The following RARG variants were observed in gnomAD, a reference collection of about 807,000 sequenced individuals.
RARG encodes the protein retinoic acid receptor gamma.
A neutral mutation model predicts 43.7 loss-of-function variants in RARG; 17 were observed. That is an observed-to-expected ratio of 0.39 (90% CI 0.27 to 0.58). The LOEUF (loss-of-function observed/expected upper bound fraction) is 0.58, where lower values mean the gene tolerates loss of function less well. Among genes scored for constraint, RARG ranks in the 20% least tolerant of loss-of-function variants. The pLI, the probability that RARG is intolerant of heterozygous loss-of-function variation, is 0.57. For missense variants in RARG, 346 were observed against 598.7 expected, an observed-to-expected ratio of 0.58 and a Z score of 4.40; for synonymous variants, 238 against 236.4, an observed-to-expected ratio of 1.01 and a Z score of -0.06.
chr12:53,230,846 T>C (rs1376339832), intron 2 of RARG, among the ~76,000 whole-genome samples: 1 of 142,406 alleles, frequency 7.0e-6, no homozygotes, highest in Non-Finnish European at 1.5e-5. Context: ...CGTGTGTGTG[T>C]GTGTGTGTGT....
chr12:53,216,742 C>T (rs1942770536), intron 3 of RARG, among the ~76,000 whole-genome samples: 1 of 151,852 alleles, frequency 6.6e-6, no homozygotes, highest in South Asian at 2.1e-4. Context: ...CTGAAAATAC[C>T]CAATTGCAGC....
intron 3 of RARG, among the ~76,000 whole-genome samples, chr12:53,217,557 T>G (rs1221218714): frequency 6.6e-6 from 1 of 152,164 alleles, no homozygotes; most frequent in Non-Finnish European, 1.5e-5. Context: ...ACTTTTCCTG[T>G]CTAAGTGATA....
Position 53,211,911 on chromosome 12 carries a change from G to A in RARG, c.1178-48C>T, listed in dbSNP as rs1942600153. On this transcript the variant is annotated intron_variant, in intron 9 of 9. Coordinates refer to ENST00000425354, the MANE Select transcript of RARG (RefSeq NM_000966.6). This position sits in a 1 kb window ranked among gnomAD's most constrained non-coding sequence, Gnocchi z 4.6. ...GAGGCTCAGGAGGACAGAGGCACATGGCCCTTAAGGCCATCTCCCTAACCT... is the reference window on the plus strand; with the variant it reads ...GAGGCTCAGGAGGACAGAGGCACATAGCCCTTAAGGCCATCTCCCTAACCT... 1.5e-6 allele frequency: 2 copies of A among 1,328,956 alleles called. No individual in the cohort carries two copies. The highest frequency in any genetic ancestry group is 2.0e-6 in the Non-Finnish European group (2 of 1,007,908). The allele number at this position is 1,328,956 out of a possible 1,614,324, so 82.3% of individuals were successfully genotyped here.
intron 3 of RARG, among the ~76,000 whole-genome samples, chr12:53,217,176 A>C (rs1942798261): frequency 6.6e-6 from 1 of 152,124 alleles, no homozygotes; most frequent in Non-Finnish European, 1.5e-5. Context: ...TAGCATAAGA[A>C]TCCTGCCAGA....
chr12:53,213,359 T>G lies in RARG; in HGVS notation c.1019-116A>C, dbSNP rs552797238. The G allele has an allele frequency of 3.4e-6, 5 of 1,482,298 alleles. No individual in the cohort carries two copies. Among genetic ancestry groups the G allele is most frequent in the Middle Eastern group, 1.7e-4 (1 of 5,760 alleles). The allele number at this position is 1,482,298 out of a possible 1,614,324, so 91.8% of individuals were successfully genotyped here. A position where few individuals can be genotyped will look rare whatever the true frequency, so the allele number is the denominator to read the frequency against. On this transcript the variant is annotated intron_variant, in intron 8 of 9. Transcript: ENST00000425354. This position sits in a 1 kb window ranked among gnomAD's most constrained non-coding sequence, Gnocchi z 4.7. The stretch of plus-strand genomic sequence containing the variant: ...AAGCCTGTACAGGGTTTCAGAACTC[T>G]CTGGATGGGGCCAGGTGCAAGAATT...
chr12:53,227,587 G>C lies in RARG; in HGVS notation c.-42C>G. On this transcript the variant is annotated 5_prime_UTR_variant, in exon 3 of 10. Coordinates refer to ENST00000425354, the MANE Select transcript of RARG (RefSeq NM_000966.6). This position sits in a 1 kb window ranked among gnomAD's most constrained non-coding sequence, Gnocchi z 4.3. ...GAGTCCCCTGGGGTCTGCAGTGGGC[G>C]GGCGAGGTCTTCAGCCACAGCCCCT... The C allele has an allele frequency of 2.1e-6, 3 of 1,447,956 alleles. No homozygotes were observed. The highest frequency in any genetic ancestry group is 5.4e-5 in the East Asian group (2 of 37,310). 89.7% of individuals were successfully genotyped at this position (1,447,956 alleles called of 1,614,324 possible).
intron 3 of RARG, among the ~76,000 whole-genome samples, chr12:53,226,192 G>T (rs539204522): frequency 6.6e-6 from 1 of 152,134 alleles, no homozygotes; most frequent in Non-Finnish European, 1.5e-5. Flanking sequence ...GCAGTGGCGC[G>T]ATCTTGGCTC....
At chr12:53,214,875 A>T in intron 5 of RARG, 1 of 393,164 alleles carries the variant, frequency 2.5e-6, no homozygotes, top group African/African-American at 2.1e-5. Context: ...GAGCTGGGGG[A>T]GGGGGGGCAG....
chr12:53,223,977 G>T (rs941036007), intron 3 of RARG, among the ~76,000 whole-genome samples: 3 of 152,096 alleles, frequency 2.0e-5, no homozygotes, highest in Non-Finnish European at 4.4e-5. Context: ...GGGGTGGGAG[G>T]ACGGCAAGGC....
Position 53,215,041 on chromosome 12 carries a change from CAG to C in RARG, c.475+250_475+251del, listed in dbSNP as rs1305949123. Reference sequence around the variant, plus strand: ...CACTGGCTTCATTTCCCCCATGAAACAGGGGGAATGTGAGACCCTACTTATTC... The same window carrying C: ...CACTGGCTTCATTTCCCCCATGAAACGGGGAATGTGAGACCCTACTTATTC... On this transcript the variant is annotated intron_variant, in intron 5 of 9. Coordinates refer to ENST00000425354, the MANE Select transcript of RARG (RefSeq NM_000966.6). The surrounding 1 kb of genome is among the most constrained non-coding windows in gnomAD (Gnocchi z 6.4). Among the ~76,000 whole-genome samples, 1 of 152,152 alleles carries C rather than the reference CAG, an allele frequency of 6.6e-6. No homozygotes were observed. Among genetic ancestry groups the C allele is most frequent in the Non-Finnish European group, 1.5e-5 (1 of 68,020 alleles).
chr12:53,222,766 G>T (rs1939589240), intron 3 of RARG, among the ~76,000 whole-genome samples: 1 of 149,962 alleles, frequency 6.7e-6, no homozygotes, highest in Non-Finnish European at 1.5e-5. Flanking sequence ...GTACAGCCTT[G>T]GGGAGAAGGT....
At chr12:53,222,916 C>T (rs1046267798) in intron 3 of RARG, among the ~76,000 whole-genome samples, 2 of 152,116 alleles carry the variant, frequency 1.3e-5, no homozygotes, top group African/African-American at 4.8e-5. Flanking sequence ...TGAAGGGGGG[C>T]TGCTGCCTGA....
intron 3 of RARG, chr12:53,219,846 C>T (rs916287066): frequency 8.9e-7 from 1 of 1,129,340 alleles, no homozygotes. Context: ...ATAGAAAGGG[C>T]CAGAAGCTCC....
At chr12:53,221,942 G>A (rs1942977369) in intron 3 of RARG, among the ~76,000 whole-genome samples, 1 of 151,632 alleles carries the variant, frequency 6.6e-6, no homozygotes, top group Admixed American at 6.6e-5. Context: ...GGGTGCTGCA[G>A]GAGTGGGGCG....
intron 3 of RARG, among the ~76,000 whole-genome samples, chr12:53,218,161 A>C (rs561258890): frequency 3.3e-5 from 5 of 152,048 alleles, no homozygotes; most frequent in Non-Finnish European, 7.4e-5. Flanking sequence ...CCAGCCTGCC[A>C]ACGCAGCACC....
intron 3 of RARG, chr12:53,220,465 A>C (rs1942925646): frequency 3.1e-6 from 2 of 654,406 alleles, no homozygotes; most frequent in Non-Finnish European, 4.6e-6. Flanking sequence ...AGTGGAGCGC[A>C]CACATACACA....
intron 2 of RARG, chr12:53,230,105 G>T: frequency 2.1e-6 from 1 of 475,890 alleles, no homozygotes; most frequent in Non-Finnish European, 2.7e-6. Flanking sequence ...ATGGACTAAG[G>T]AATTGAAGGC....
chr12:53,213,987 C>T lies in RARG; in HGVS notation c.813+72G>A, dbSNP rs530989173. ...GGGGTGCAGGGTAAGGAAATCTTTGCATGGATCAAGGAATTGTTGAGGGTC... is the reference window on the plus strand; with the variant it reads ...GGGGTGCAGGGTAAGGAAATCTTTGTATGGATCAAGGAATTGTTGAGGGTC... On this transcript the variant is annotated intron_variant, in intron 7 of 9. Transcript: ENST00000425354. The surrounding 1 kb of genome is among the most constrained non-coding windows in gnomAD (Gnocchi z 4.7). The T allele has an allele frequency of 2.0e-6, 3 of 1,499,592 alleles. No homozygotes were observed. The South Asian group carries it at 3.7e-5, about 18-fold the overall frequency. 92.9% of individuals were successfully genotyped at this position (1,499,592 alleles called of 1,614,324 possible). A position where few individuals can be genotyped will look rare whatever the true frequency, so the allele number is the denominator to read the frequency against.
intron 5 of RARG, 59 bp from the exon 6 acceptor site, chr12:53,214,665 C>T (rs1942707781): frequency 2.0e-6 from 3 of 1,468,740 alleles, no homozygotes; most frequent in South Asian, 1.2e-5. Flanking sequence ...TTTGGGTGTC[C>T]TCTCTCACCC....
Sources: allele counts gnomAD v4.1 joint callset (sites outside exome capture counted in the v4.1 genomes callset), GRCh38; gene constraint gnomAD v4.1.1; non-coding constraint Gnocchi (gnomAD v3.1); transcripts MANE v1.5; gene names NCBI Gene and HGNC (gene_info 2026-07-23, HGNC 2026-07-21).